The following DNAJC16 variants were observed in gnomAD, a reference collection of about 807,000 sequenced individuals.
The protein encoded by DNAJC16 is DnaJ heat shock protein family (Hsp40) member C16.
DNAJC16 carries 76 observed loss-of-function variants against 92.7 expected under a neutral mutation model. That is an observed-to-expected ratio of 0.82 (90% CI 0.68 to 0.99). The LOEUF is 0.99. DNAJC16 is among the 50% of genes least tolerant of loss of function. DNAJC16 has a pLI of 0.00. For missense variants in DNAJC16, 869 were observed against 942.4 expected (o/e 0.92, Z 1.02); for synonymous variants, 328 against 358.7 (o/e 0.91, Z 0.97).
intron 2 of DNAJC16, among the ~76,000 whole-genome samples, chr1:15,532,892 A>G (rs1710691447): frequency 6.6e-6 from 1 of 152,198 alleles, no homozygotes; most frequent in South Asian, 2.1e-4. Context: ...TTGTAGAGAA[A>G]TCAGAATATG....
chr1:15,551,335 C>G (rs1638438204), intron 7 of DNAJC16, among the ~76,000 whole-genome samples: 1 of 152,192 alleles, frequency 6.6e-6, no homozygotes, highest in South Asian at 2.1e-4. Flanking sequence ...AGGACAAGTG[C>G]TTACCTTGCC....
intron 2 of DNAJC16, among the ~76,000 whole-genome samples, chr1:15,532,705 G>T (rs57551109): frequency 0.59 from 88,782 of 150,322 alleles, 26,872 homozygotes; most frequent in African/African-American, 0.72. Flanking sequence ...GTATTTTTGT[G>T]TTTTTTTTTG....
chr1:15,536,143 G>T, intron 3 of DNAJC16, among the ~76,000 whole-genome samples: 1 of 137,618 alleles, frequency 7.3e-6, no homozygotes, highest in African/African-American at 2.8e-5. Flanking sequence ...GCACCATCTC[G>T]GCTCACCTCA....
chr1:15,543,480 AC>A (rs1398347519), intron 4 of DNAJC16, among the ~76,000 whole-genome samples: 1 of 152,180 alleles, frequency 6.6e-6, no homozygotes, highest in Non-Finnish European at 1.5e-5. Flanking sequence ...GGCATGGGGA[AC>A]CAGGGGCCAA....
intron 11 of DNAJC16, 122 bp downstream of exon 11, chr1:15,564,481 C>A (rs1022161429): frequency 1.5e-6 from 1 of 673,998 alleles, no homozygotes; most frequent in Non-Finnish European, 2.6e-6. Context: ...AGTGGAAGAA[C>A]GTTTACACAT....
At chr1:15,558,726 C>T (rs571383110) in intron 7 of DNAJC16, among the ~76,000 whole-genome samples, 2 of 152,232 alleles carry the variant, frequency 1.3e-5, no homozygotes, top group East Asian at 3.9e-4. Flanking sequence ...GGTCAGAATA[C>T]CTGCTGTCAA....
intron 7 of DNAJC16, among the ~76,000 whole-genome samples, chr1:15,552,485 T>C (rs954060517): frequency 6.6e-6 from 1 of 151,138 alleles, no homozygotes; most frequent in Non-Finnish European, 1.5e-5. Flanking sequence ...TGGGACTTCA[T>C]CTCAAAAAAA....
rs750149598 is a variant in DNAJC16, at chr1:15,567,978, T to C, written c.2150T>C (p.Val717Ala). Residue 717 changes from valine to alanine, a missense_variant, in exon 15 of 15, where the codon GTC (valine) becomes GCC (alanine). Val to Ala is a moderately conservative substitution (Grantham distance 64). Coordinates refer to ENST00000375847, the MANE Select transcript of DNAJC16 (RefSeq NM_015291.4). The part of the protein sequence containing the change: ...YFCLFKPQKT[V>A]EEEEAIGSCS... ...TGCCTCTTCAAGCCCCAAAAGACAG[T>C]CGAAGAGGAGGAAGCCATAGGGTCG... 1 of 1,614,184 alleles carries C rather than the reference T, an allele frequency of 6.2e-7. No homozygotes were observed.
At chr1:15,545,883 T>C (rs1387263937) in intron 5 of DNAJC16, among the ~76,000 whole-genome samples, 1 of 152,250 alleles carries the variant, frequency 6.6e-6, no homozygotes, top group Admixed American at 6.5e-5. Flanking sequence ...AATTTATTCA[T>C]GTTTTTAATT....
At chr1:15,536,355 C>T in intron 3 of DNAJC16, 120 bp from the exon 4 acceptor site, 1 of 794,046 alleles carries the variant, frequency 1.3e-6, no homozygotes, top group Non-Finnish European at 1.9e-6. Context: ...GCTGGGATTA[C>T]AGGTGTGAGC....
chr1:15,552,460 G>A (rs1638467564), intron 7 of DNAJC16, among the ~76,000 whole-genome samples: 1 of 151,944 alleles, frequency 6.6e-6, no homozygotes, highest in African/African-American at 2.4e-5. Flanking sequence ...CTGCACTCCA[G>A]CCTGGGCGAC....
intron 5 of DNAJC16, among the ~76,000 whole-genome samples, chr1:15,545,121 C>T (rs1453937337): frequency 6.6e-6 from 1 of 151,880 alleles, no homozygotes; most frequent in Non-Finnish European, 1.5e-5. Context: ...AATAGAGAAG[C>T]CAGATAAAGT....
In DNAJC16 at chr1:15,563,956, G is replaced by A; in HGVS notation, c.1366G>A (p.Ala456Thr). 2.5e-6 allele frequency: 4 copies of A among 1,614,040 alleles called. No homozygotes were observed. The highest frequency in any genetic ancestry group is 3.4e-6 in the Non-Finnish European group (4 of 1,179,984). The change falls in exon 10 of 15, where the codon GCA (alanine) becomes ACA (threonine). Residue 456 changes from alanine (A) to threonine (T), a missense_variant. By Grantham distance (58) the Ala-to-Thr change is moderately conservative. Coordinates refer to ENST00000375847, the MANE Select transcript of DNAJC16 (RefSeq NM_015291.4). ...GTCTATTTTAGAAAGGCGCAACACAGCAGGAAGGGTGGTGTATAAAACCCT... is the reference window on the plus strand; with the variant it reads ...GTCTATTTTAGAAAGGCGCAACACAACAGGAAGGGTGGTGTATAAAACCCT... Reference protein sequence around the residue: ...AVSILERRNTAGRVVYKTLED... With the variant: ...AVSILERRNTTGRVVYKTLED...
rs145533617 is a variant in DNAJC16 at position 15,565,835 on chromosome 1, T to C, written c.1599-84T>C. On this transcript the variant is annotated intron_variant, in intron 11 of 14. Coordinates refer to ENST00000375847, the MANE Select transcript of DNAJC16 (RefSeq NM_015291.4). ...AGCGTTTATTGGTGTGAAGAGTTTT[T>C]GGTTTGGGATTTTTATTTTATCTTT... 17 of 1,361,928 alleles carry C rather than the reference T, an allele frequency of 1.2e-5. No homozygotes were observed. The African/African-American group carries it at 2.3e-4, about 19-fold the overall frequency. 84.4% of individuals were successfully genotyped at this position (1,361,928 alleles called of 1,614,324 possible). A position where few individuals can be genotyped will look rare whatever the true frequency, so the allele number is the denominator to read the frequency against.
At chr1:15,529,398 A>G (rs1710601679) in intron 2 of DNAJC16, 126 bp downstream of exon 2, 4 of 957,248 alleles carry the variant, frequency 4.2e-6, no homozygotes, top group Middle Eastern at 5.5e-4. Context: ...TGTCTAAAAT[A>G]TTTTACGCAG....
intron 7 of DNAJC16, among the ~76,000 whole-genome samples, chr1:15,558,625 C>T (rs1217804427): frequency 2.0e-5 from 3 of 152,126 alleles, no homozygotes; most frequent in South Asian, 2.1e-4. Flanking sequence ...AGCCTCCATA[C>T]CTGGCCGTGT....
At chr1:15,562,484 AT>A (rs367705157) in intron 9 of DNAJC16, among the ~76,000 whole-genome samples, 159 bp downstream of exon 9, 2,499 of 139,536 alleles carry the variant, frequency 0.018, 52 homozygotes, top group African/African-American at 0.05. Flanking sequence ...CTTTTTCTTG[AT>A]TTTTTTTTTT....
chr1:15,544,256 T>A, intron 4 of DNAJC16, 143 bp from the exon 5 acceptor site: 1 of 761,004 alleles, frequency 1.3e-6, no homozygotes, highest in Non-Finnish European at 2.0e-6. Context: ...ATTCCAGCAG[T>A]GAAAGAATGC....
chr1:15,560,231 T>C (rs542476258), intron 8 of DNAJC16: 3 of 152,284 alleles, frequency 2.0e-5, no homozygotes, highest in Non-Finnish European at 4.4e-5. Flanking sequence ...ACCTGAAGGA[T>C]GAGCACAGTT....
Sources: gnomAD v4.1 joint callset for allele counts (sites outside exome capture counted in the v4.1 genomes callset) on GRCh38, gnomAD v4.1.1 for gene constraint, MANE v1.5 for transcripts, NCBI Gene and HGNC (gene_info 2026-07-23, HGNC 2026-07-21) for gene names.